The following ASPDH variants were observed in gnomAD, a reference collection of about 807,000 sequenced individuals.
ASPDH encodes the protein aspartate dehydrogenase domain-containing protein.
ASPDH carries 25 observed loss-of-function variants against 30.5 expected under a neutral mutation model. The observed-to-expected ratio is 0.82, with a 90% CI of 0.60 to 1.14. ASPDH has a LOEUF of 1.14. Ranked by LOEUF, ASPDH falls within the 50% of genes most tolerant of loss-of-function variation. ASPDH has a pLI of 0.00. For missense variants in ASPDH, 401 were observed against 381.5 expected, an observed-to-expected ratio of 1.05 and a Z score of -0.43; for synonymous variants, 168 against 156.3, an observed-to-expected ratio of 1.07 and a Z score of -0.56.
chr19:50,512,153 A>G lies in ASPDH; in HGVS notation c.791T>C (p.Phe264Ser). 1 of 1,571,084 alleles carries G rather than the reference A, an allele frequency of 6.4e-7. No homozygotes were observed. Residue 264 changes from phenylalanine to serine, a missense_variant, in exon 6 of 7, where the codon TTC (phenylalanine) becomes TCC (serine). Physicochemically the swap from Phe to Ser is radical, Grantham distance 155 (BLOSUM62 -2). Coordinates refer to ENST00000389208, the MANE Select transcript of ASPDH (RefSeq NM_001114598.2). ...GGCCGCACCCAGGAGGCTCTGCCAG[A>G]AGGCCGTGACGGTGGCGGAGCCGGT... ...AVTGSATVTAFWQSLLACCQL... is the reference protein window; with the variant it reads ...AVTGSATVTASWQSLLACCQL...
upstream of ASPDH, chr19:50,514,519 A>G (rs779004181): frequency 6.2e-7 from 1 of 1,614,042 alleles, no homozygotes; most frequent in South Asian, 1.1e-5. Flanking sequence ...TCGTGCCACC[A>G]GCTGCCTCCA....
chr19:50,512,992 C>G lies in ASPDH; in HGVS notation c.217G>C (p.Glu73Gln). 1.2e-6 allele frequency: 2 copies of G among 1,613,496 alleles called. No individual in the cohort carries two copies. The highest frequency in any genetic ancestry group is 1.7e-6 in the Non-Finnish European group (2 of 1,179,754). The change falls in exon 3 of 7, where the codon GAA becomes CAA. Residue 73 changes from glutamate (E) to glutamine (Q), a missense_variant. Physicochemically the swap from Glu to Gln is conservative, Grantham distance 29 (BLOSUM62 2). Transcript: ENST00000389208. ...TGGATTATTTTGGGATGGGCCACTT[C>G]CACAACCAGATCAGGGCGCCTGGGA... ...LGERRPDLVV[E>Q]VAHPKIIHES...
rs1308129840 is a variant in ASPDH at position 50,511,720 on chromosome 19, AG to A, written c.*9del. 7.7e-7 allele frequency: 1 copy of A among 1,300,570 alleles called. No homozygotes were observed. Among genetic ancestry groups the A allele is most frequent in the Non-Finnish European group, 9.8e-7 (1 of 1,017,724 alleles). 80.6% of individuals were successfully genotyped at this position (1,300,570 alleles called of 1,614,324 possible). Reference sequence around the variant, plus strand: ...GGCAGATGATCTTGTCTCGGGAGGGAGGAGGCTTCTCAGCAGAGATGGATCC... The same window carrying A: ...GGCAGATGATCTTGTCTCGGGAGGGAGAGGCTTCTCAGCAGAGATGGATCC... On this transcript the variant is annotated 3_prime_UTR_variant, in exon 7 of 7. Coordinates refer to ENST00000389208, the MANE Select transcript of ASPDH (RefSeq NM_001114598.2).
rs773288547 is a variant in ASPDH at position 50,512,815 on chromosome 19, G to A, written c.283-5C>T. On this transcript the variant is annotated splice_polypyrimidine_tract_variant and splice_region_variant and intron_variant, in intron 3 of 6. Transcript: ENST00000389208. ...TAGAGCTGAGGGGGACCCCACCTGG[G>A]GTGGATGAAGGAGGGGAGGGTTGAG... The A allele has an allele frequency of 7.5e-6, 12 of 1,600,128 alleles. No individual in the cohort carries two copies. Among genetic ancestry groups the A allele is most frequent in the Non-Finnish European group, 1.0e-5 (12 of 1,173,188 alleles).
chr19:50,512,702 C>T lies in ASPDH; in HGVS notation c.391G>A (p.Ala131Thr), dbSNP rs761855390. 1.1e-5 allele frequency: 17 copies of T among 1,551,226 alleles called. No individual in the cohort carries two copies. Among genetic ancestry groups the T allele is most frequent in the Non-Finnish European group, 1.4e-5 (16 of 1,147,220 alleles). ...GCATCCAATCTCCTGATGTCCTCAG[C>T]GCCCCACAGGGCCCCTCGGGCCACA... ...VFVARGALWGAEDIRRLDAAG... is the reference protein window; with the variant it reads ...VFVARGALWGTEDIRRLDAAG... The change falls in exon 4 of 7, where the codon GCT becomes ACT. Residue 131 changes from alanine (A) to threonine (T), a missense_variant. Ala to Thr is a moderately conservative substitution (Grantham distance 58, BLOSUM62 0). Coordinates refer to ENST00000389208, the MANE Select transcript of ASPDH (RefSeq NM_001114598.2).
Position 50,513,214 on chromosome 19 carries a change from AAG to A in ASPDH, c.197+56_197+57del. On this transcript the variant is annotated intron_variant, in intron 2 of 6. Coordinates refer to ENST00000389208, the MANE Select transcript of ASPDH (RefSeq NM_001114598.2). This position sits in a 1 kb window ranked among gnomAD's most constrained non-coding sequence, Gnocchi z 4.9. ...GAACCCCTGAGATCACACAGTGGCT[AAG>A]AGAGCCAGGACAGGAGCTTCAGGGA... The A allele has an allele frequency of 9.2e-6, 13 of 1,414,252 alleles. No individual in the cohort carries two copies. In the Middle Eastern group the frequency reaches 1.5e-3, roughly 161 times the overall value. The allele number at this position is 1,414,252 out of a possible 1,614,324, so 87.6% of individuals were successfully genotyped here.
At chr19:50,514,146 G>C (rs942494753), upstream of ASPDH, among the ~76,000 whole-genome samples, 12 of 152,110 alleles carry the variant, frequency 7.9e-5, no homozygotes, top group Non-Finnish European at 1.6e-4. Flanking sequence ...GCAGTCCCCT[G>C]CCCCCTCTCT....
chr19:50,514,211 G>C (rs1480803495), upstream of ASPDH, among the ~76,000 whole-genome samples: 1 of 152,182 alleles, frequency 6.6e-6, no homozygotes, highest in Non-Finnish European at 1.5e-5. Context: ...GAGAAGAGAT[G>C]GTGACAGGGA....
At position 50,513,525 on chromosome 19, in the gene ASPDH, C is replaced by T; in HGVS notation, c.53-109G>A. 1 of 1,195,756 alleles carries T rather than the reference C, an allele frequency of 8.4e-7. No individual in the cohort carries two copies. The highest frequency in any genetic ancestry group is 1.6e-5 in the South Asian group (1 of 60,652). 74.1% of individuals were successfully genotyped at this position (1,195,756 alleles called of 1,614,324 possible). On this transcript the variant is annotated intron_variant, in intron 1 of 6. Coordinates refer to ENST00000389208, the MANE Select transcript of ASPDH (RefSeq NM_001114598.2). This position sits in a 1 kb window ranked among gnomAD's most constrained non-coding sequence, Gnocchi z 4.9. ...CAGAGAGAGAGGAGGTGGGGACAGA[C>T]TCAGATTGCGGGGTAGGGAGACAGA...
rs994542963 is a variant in ASPDH, at chr19:50,511,605, G to C, written c.*125C>G. Reference sequence around the variant, plus strand: ...GGATCAGAGACGCCAGGCGGTGCGGGGGGAGGCAGCGGTGATCTTTACTGA... The same window carrying C: ...GGATCAGAGACGCCAGGCGGTGCGGCGGGAGGCAGCGGTGATCTTTACTGA... On this transcript the variant is annotated 3_prime_UTR_variant, in exon 7 of 7. Transcript: ENST00000389208. 10 of 509,662 alleles carry C rather than the reference G, an allele frequency of 2.0e-5. No individual in the cohort carries two copies. Among genetic ancestry groups the C allele is most frequent in the East Asian group, 1.4e-4 (4 of 28,388 alleles). 31.6% of individuals were successfully genotyped at this position (509,662 alleles called of 1,614,324 possible). A position where few individuals can be genotyped will look rare whatever the true frequency, so the allele number is the denominator to read the frequency against.
At chr19:50,514,951 C>T (rs1432947199), upstream of ASPDH, 4 of 985,388 alleles carry the variant, frequency 4.1e-6, no homozygotes, top group Non-Finnish European at 4.8e-6. Context: ...CTTCCAGAGC[C>T]AGGAGCCCCC....
In ASPDH at chr19:50,512,185, G is replaced by A. The variant is rs755900183; in HGVS notation, c.759C>T (p.Gly253=). ...TGACGGTGGCGGAGCCGGTGACCGC[G>A]CCTGGCTCGGCAGGGTTCTCTCTGC... ...HTRRENPAEP[G]AVTGSATVTA... is the part of the protein sequence containing the mutation. The change falls in exon 6 of 7, where the codon GGC becomes GGT. Residue 253 remains glycine (G), a synonymous_variant. Coordinates refer to ENST00000389208, the MANE Select transcript of ASPDH (RefSeq NM_001114598.2). The A allele has an allele frequency of 2.5e-6, 4 of 1,602,910 alleles. No individual in the cohort carries two copies. The African/African-American group carries it at 4.0e-5, about 16-fold the overall frequency.
rs1163179202 is a variant in ASPDH at position 50,513,069 on chromosome 19, A to G, written c.198-58T>C. 8 of 1,463,828 alleles carry G rather than the reference A, an allele frequency of 5.5e-6. No homozygotes were observed. In the Middle Eastern group the frequency reaches 5.4e-4, roughly 98 times the overall value. The allele number at this position is 1,463,828 out of a possible 1,614,324, so 90.7% of individuals were successfully genotyped here. ...GAGAGGTATTAGGCCTCTTCTCCCC[A>G]AGGTTCCCTCCGAGTCTACTGAGGG... On this transcript the variant is annotated intron_variant, in intron 2 of 6. Coordinates refer to ENST00000389208, the MANE Select transcript of ASPDH (RefSeq NM_001114598.2). The surrounding 1 kb of genome is among the most constrained non-coding windows in gnomAD (Gnocchi z 4.9).
At chr19:50,514,748 C>G, upstream of ASPDH, 2 of 1,269,810 alleles carry the variant, frequency 1.6e-6, no homozygotes. Context: ...CCATGGCAAC[C>G]AGGATTGGCG....
At position 50,512,389 on chromosome 19, in the gene ASPDH, C is replaced by T; in HGVS notation, c.624G>A (p.Gly208=). 10 of 1,613,756 alleles carry T rather than the reference C, an allele frequency of 6.2e-6. No individual in the cohort carries two copies. Among genetic ancestry groups the T allele is most frequent in the Middle Eastern group, 1.6e-4 (1 of 6,062 alleles). Residue 208 remains glycine (G), a synonymous_variant, in exon 5 of 7, where the codon GGG becomes GGA. Transcript: ENST00000389208. ...ALAAPSLGFD[G]VIGVLVADTS... ...TATCAGCCACGAGCACCCCAATCACCCCATCGAAGCCCAGGCTGGGGGCAG... is the reference window on the plus strand; with the variant it reads ...TATCAGCCACGAGCACCCCAATCACTCCATCGAAGCCCAGGCTGGGGGCAG...
At chr19:50,511,913 G>T (rs1471687883) in intron 6 of ASPDH, 140 bp from the exon 7 acceptor site, 2 of 605,176 alleles carry the variant, frequency 3.3e-6, no homozygotes, top group African/African-American at 4.4e-5. Flanking sequence ...GAGCCCTGGG[G>T]GTGGACAGAG....
chr19:50,512,591 G>A lies in ASPDH; in HGVS notation c.433-11C>T. 1 of 1,520,800 alleles carries A rather than the reference G, an allele frequency of 6.6e-7. No individual in the cohort carries two copies. The highest frequency in any genetic ancestry group is 8.8e-7 in the Non-Finnish European group (1 of 1,138,120). 94.2% of individuals were successfully genotyped at this position (1,520,800 alleles called of 1,614,324 possible). ...GGTGACACGAAGGCTCTGGAAGCAA[G>A]AGCCCGGGTTAGGGGGAGTGGGGTC... On this transcript the variant is annotated splice_polypyrimidine_tract_variant and intron_variant, in intron 4 of 6. Transcript: ENST00000389208.
In ASPDH at chr19:50,513,097, G is replaced by T; in HGVS notation, c.198-86C>A. 1.5e-6 allele frequency: 2 copies of T among 1,318,126 alleles called. No individual in the cohort carries two copies. Among genetic ancestry groups the T allele is most frequent in the Non-Finnish European group, 2.1e-6 (2 of 950,422 alleles). The allele number at this position is 1,318,126 out of a possible 1,614,324, so 81.7% of individuals were successfully genotyped here. ...GTTCCCTCCGAGTCTACTGAGGGCT[G>T]CCCTTCTTCTCCCTGACCTGGGAGG... On this transcript the variant is annotated intron_variant, in intron 2 of 6. Transcript: ENST00000389208. The surrounding 1 kb of genome is among the most constrained non-coding windows in gnomAD (Gnocchi z 4.9).
upstream of ASPDH, chr19:50,514,958 C>T (rs974238715): frequency 1.0e-6 from 1 of 985,400 alleles, no homozygotes; most frequent in Non-Finnish European, 1.2e-6. Context: ...AGCCAGGAGC[C>T]CCCGGTGTGG....
Sources: allele counts gnomAD v4.1 joint callset (sites outside exome capture counted in the v4.1 genomes callset), GRCh38; gene constraint gnomAD v4.1.1; non-coding constraint Gnocchi (gnomAD v3.1); transcripts MANE v1.5; gene names NCBI Gene and HGNC (gene_info 2026-07-23, HGNC 2026-07-21).